DCLK1: variants seen among roughly 807,000 people sequenced by gnomAD.
DCLK1 encodes the protein serine/threonine-protein kinase DCLK1.
Under a neutral mutation model 86.2 loss-of-function variants are expected in DCLK1, and 16 were observed. The observed-to-expected ratio is 0.19, with a 90% confidence interval of 0.13 to 0.28. The LOEUF (loss-of-function observed/expected upper bound fraction) is 0.28, where lower values mean the gene tolerates loss of function less well. DCLK1 is among the 10% of genes least tolerant of loss of function. The pLI is 1.00. For missense variants in DCLK1, 590 were observed against 940.2 expected (o/e 0.63, Z 4.87); for synonymous variants, 369 against 370.5 (o/e 1.00, Z 0.05).
intron 3 of DCLK1, among the ~76,000 whole-genome samples, chr13:35,996,184 C>T (rs1880468851): frequency 1.3e-5 from 2 of 152,196 alleles, no homozygotes; most frequent in Admixed American, 1.3e-4. Flanking sequence ...CCGCCTCGGC[C>T]TCCCAAAATG....
chr13:36,067,869 T>C (rs1198080604), intron 3 of DCLK1, among the ~76,000 whole-genome samples: 1 of 152,194 alleles, frequency 6.6e-6, no homozygotes, highest in African/African-American at 2.4e-5. Context: ...AAGAGTCTGC[T>C]GCCCCCCACA....
chr13:36,077,850 C>G (rs748746945), intron 3 of DCLK1, among the ~76,000 whole-genome samples: 1 of 152,080 alleles, frequency 6.6e-6, no homozygotes, highest in Non-Finnish European at 1.5e-5. Context: ...ATGCTGATGT[C>G]GGGGACATAC....
intron 10 of DCLK1, among the ~76,000 whole-genome samples, chr13:35,824,677 C>T (rs1004532796): frequency 2.0e-5 from 3 of 152,130 alleles, no homozygotes; most frequent in Admixed American, 1.3e-4. Flanking sequence ...TCCTGCACAC[C>T]GACTGCTACC....
At chr13:35,785,873 G>A (rs917284061) in intron 16 of DCLK1, among the ~76,000 whole-genome samples, 1 of 152,218 alleles carries the variant, frequency 6.6e-6, no homozygotes, top group Non-Finnish European at 1.5e-5. Context: ...TCAGTAAGGA[G>A]AGCGTGTACG....
At chr13:35,815,947 A>C (rs2087255176) in intron 11 of DCLK1, among the ~76,000 whole-genome samples, 1 of 152,194 alleles carries the variant, frequency 6.6e-6, no homozygotes, top group Non-Finnish European at 1.5e-5. Flanking sequence ...AAAAAGTAAA[A>C]TTGCTCTTCA....
intron 4 of DCLK1, among the ~76,000 whole-genome samples, chr13:35,873,478 G>A (rs1176957375): frequency 1.3e-5 from 2 of 151,556 alleles, no homozygotes; most frequent in African/African-American, 4.8e-5. Context: ...TCCACCTCCC[G>A]AGTTCAAGAG....
intron 3 of DCLK1, among the ~76,000 whole-genome samples, chr13:36,107,923 A>G (rs971268350): frequency 6.6e-6 from 1 of 152,140 alleles, no homozygotes; most frequent in South Asian, 2.1e-4. Flanking sequence ...TCCAACATCC[A>G]GAGCTTGGAC....
intron 3 of DCLK1, among the ~76,000 whole-genome samples, chr13:36,062,140 T>C (rs1313005182): frequency 6.6e-6 from 1 of 152,230 alleles, no homozygotes; most frequent in Non-Finnish European, 1.5e-5. Flanking sequence ...TTATAAATTT[T>C]ATAAACAGGA....
rs372887178 is a variant in DCLK1, at chr13:35,831,963, AC to A, written c.1230-3657del. Among the ~76,000 whole-genome samples the A allele has an allele frequency of 8.6e-3, 1,305 of 152,078 alleles. 28 individuals carry two copies. Among genetic ancestry groups the A allele is most frequent in the African/African-American group, 0.03 (1,236 of 41,480 alleles). ...CTCAGGCCAGTCTTCTGCCCACTGC[AC>A]CCCTCACCCAGGGAGTGTAGCAGAA... is the stretch of plus-strand genomic sequence containing the variant. On this transcript the variant is annotated intron_variant, in intron 8 of 16. Coordinates refer to ENST00000360631, the MANE Select transcript of DCLK1 (RefSeq NM_001330071.2).
chr13:36,100,350 G>A (rs1309064896), intron 3 of DCLK1, among the ~76,000 whole-genome samples: 1 of 152,064 alleles, frequency 6.6e-6, no homozygotes, highest in African/African-American at 2.4e-5. Flanking sequence ...CTGTACTCTA[G>A]CCTGGGTGAC....
At chr13:35,976,205 G>T (rs1187543451) in intron 3 of DCLK1, among the ~76,000 whole-genome samples, 4 of 152,234 alleles carry the variant, frequency 2.6e-5, no homozygotes, top group Middle Eastern at 3.4e-3. Context: ...GGAGAAAGGA[G>T]GTCAGTCCTG....
intron 3 of DCLK1, among the ~76,000 whole-genome samples, chr13:35,975,638 T>C (rs952131855): frequency 1.3e-5 from 2 of 151,658 alleles, no homozygotes; most frequent in African/African-American, 2.4e-5. Context: ...GGCACGACTG[T>C]GCCCTGAGCA....
intron 4 of DCLK1, among the ~76,000 whole-genome samples, chr13:35,924,591 A>C (rs1566605367): frequency 6.6e-6 from 1 of 152,164 alleles, no homozygotes; most frequent in African/African-American, 2.4e-5. Context: ...TGAAGGTTGT[A>C]GTGAGCCGAG....
chr13:35,977,197 T>C (rs1332905870), intron 3 of DCLK1, among the ~76,000 whole-genome samples: 3 of 152,224 alleles, frequency 2.0e-5, no homozygotes, highest in Admixed American at 2.0e-4. Context: ...AGTTACTTCA[T>C]GCATATCAGG....
intron 3 of DCLK1, among the ~76,000 whole-genome samples, chr13:36,110,819 T>C (rs887692938): frequency 3.4e-5 from 5 of 148,332 alleles, no homozygotes; most frequent in East Asian, 2.1e-4. Context: ...ATGCTGTACA[T>C]ATAATCAATT....
chr13:35,788,175 A>G, intron 16 of DCLK1: 8 of 1,604,886 alleles, frequency 5.0e-6, no homozygotes, highest in Non-Finnish European at 6.8e-6. Flanking sequence ...GCACGTTGCC[A>G]TGGAAACACT....
rs565234011 is a variant in DCLK1, at chr13:36,064,520, G to A, written c.723+47349C>T. Among the ~76,000 whole-genome samples the A allele has an allele frequency of 1.6e-4, 25 of 152,118 alleles. 1 individual carries two copies. The highest frequency in any genetic ancestry group is 3.4e-3 in the Middle Eastern group (1 of 294). ...CTAAAAATACAAAAATTAGCTGGGC[G>A]TGGTGGCGTGTGCCTATAATCCCAG... On this transcript the variant is annotated intron_variant, in intron 3 of 16. Transcript: ENST00000360631.
chr13:36,073,032 A>C (rs556764412), intron 3 of DCLK1, among the ~76,000 whole-genome samples: 1 of 152,336 alleles, frequency 6.6e-6, no homozygotes, highest in African/African-American at 2.4e-5. Context: ...ACGAGAAGCA[A>C]AGTTTAATTC....
At chr13:35,839,243 C>T (rs1311678222) in intron 6 of DCLK1, 67 bp from the exon 7 acceptor site, 2 of 1,380,566 alleles carry the variant, frequency 1.4e-6, no homozygotes, top group Non-Finnish European at 2.0e-6. Context: ...AGGGACCATG[C>T]CCAGCCCGGA....
Sources: allele counts gnomAD v4.1 joint callset (sites outside exome capture counted in the v4.1 genomes callset), GRCh38; gene constraint gnomAD v4.1.1; transcripts MANE v1.5; gene names NCBI Gene and HGNC (gene_info 2026-07-23, HGNC 2026-07-21).